The following NAALADL2 variants were observed in gnomAD, a reference collection of about 807,000 sequenced individuals.
NAALADL2 encodes N-acetylated alpha-linked acidic dipeptidase like 2, also known as inactive N-acetylated-alpha-linked acidic dipeptidase-like protein 2.
In NAALADL2, 76 loss-of-function variants were observed where a neutral mutation model predicts 87.2. That is an observed-to-expected ratio of 0.87 (90% CI 0.72 to 1.05). NAALADL2 has a LOEUF of 1.05. Among genes scored for constraint, NAALADL2 ranks in the 50% least tolerant of loss-of-function variants. The pLI, the probability that NAALADL2 is intolerant of heterozygous loss-of-function variation, is 0.00. For synonymous variants in NAALADL2, 354 were observed against 331.0 expected (o/e 1.07, Z -0.75); for missense variants, 1,089 against 945.8 (o/e 1.15, Z -1.99).
At chr3:175,291,936 A>G (rs115930947) in intron 4 of NAALADL2, among the ~76,000 whole-genome samples, 3,483 of 152,350 alleles carry the variant, frequency 0.023, 97 homozygotes, top group Admixed American at 0.08. Flanking sequence ...TCATTTAGCC[A>G]TATACACAAA....
At chr3:175,054,586 C>G (rs1389827653) in intron 1 of NAALADL2, among the ~76,000 whole-genome samples, 1 of 152,168 alleles carries the variant, frequency 6.6e-6, no homozygotes, top group Non-Finnish European at 1.5e-5. Flanking sequence ...TCCTCTAAAG[C>G]CTACAGTTTC....
At chr3:175,051,589 G>A (rs935037328) in intron 1 of NAALADL2, among the ~76,000 whole-genome samples, 5 of 152,152 alleles carry the variant, frequency 3.3e-5, no homozygotes, top group South Asian at 2.1e-4. Context: ...AGAGTCTCTC[G>A]ATCAGTTAGC....
chr3:175,614,280 T>C (rs930040119), intron 10 of NAALADL2, among the ~76,000 whole-genome samples: 1 of 152,196 alleles, frequency 6.6e-6, no homozygotes, highest in Admixed American at 6.5e-5. Context: ...CTCGAACTCT[T>C]GAACTCATGA....
chr3:175,704,761 T>C (rs576649560), intron 11 of NAALADL2, among the ~76,000 whole-genome samples: 76 of 152,332 alleles, frequency 5.0e-4, no homozygotes, highest in African/African-American at 1.7e-3. Context: ...CATGTCTTAT[T>C]TGCACAGCTG....
intron 1 of NAALADL2, among the ~76,000 whole-genome samples, chr3:175,013,407 T>C (rs1750413683): frequency 6.8e-6 from 1 of 147,122 alleles, no homozygotes; most frequent in Non-Finnish European, 1.5e-5. Context: ...CAAGTGATTC[T>C]TATGCCTAAG....
chr3:175,182,389 T>C (rs1736694946), intron 2 of NAALADL2, among the ~76,000 whole-genome samples: 1 of 151,844 alleles, frequency 6.6e-6, no homozygotes, highest in Admixed American at 6.6e-5. Context: ...AAACTGTTTT[T>C]TGTTTATTTG....
intron 2 of NAALADL2, among the ~76,000 whole-genome samples, chr3:175,132,163 G>C (rs1309020638): frequency 8.6e-6 from 1 of 115,636 alleles, no homozygotes; most frequent in Non-Finnish European, 1.8e-5. Flanking sequence ...CTCCCGGACG[G>C]GGCAGCTGGC....
intron 4 of NAALADL2, among the ~76,000 whole-genome samples, chr3:175,302,838 ATGTGTGTGTATG>A (rs1357167315): frequency 1.4e-5 from 2 of 143,626 alleles, no homozygotes; most frequent in Non-Finnish European, 3.1e-5. Context: ...GTGTGTATAT[ATGTGTGTGTATG>A]TGTGTGTGTG....
At chr3:174,745,551 C>T (rs1734171744) in intron 3 of NAALADL2, among the ~76,000 whole-genome samples, 1 of 152,116 alleles carries the variant, frequency 6.6e-6, no homozygotes, top group African/African-American at 2.4e-5. Flanking sequence ...CTATTCCAAA[C>T]AATTGAATAT....
At chr3:175,203,762 A>C (rs1445307084) in intron 2 of NAALADL2, among the ~76,000 whole-genome samples, 1 of 152,226 alleles carries the variant, frequency 6.6e-6, no homozygotes, top group Non-Finnish European at 1.5e-5. Context: ...AACAGGAGAT[A>C]TTACAACTGA....
chr3:175,092,463 T>A (rs1291645389), intron 1 of NAALADL2, among the ~76,000 whole-genome samples: 1 of 151,946 alleles, frequency 6.6e-6, no homozygotes, highest in Non-Finnish European at 1.5e-5. Context: ...AATACTTTTG[T>A]CTAATCTGTA....
intron 5 of NAALADL2, among the ~76,000 whole-genome samples, chr3:175,353,741 C>G (rs867840399): frequency 5.9e-5 from 9 of 152,168 alleles, no homozygotes; most frequent in African/African-American, 1.7e-4. Flanking sequence ...TTATCTAATT[C>G]CCTCAAACCT....
intron 1 of NAALADL2, among the ~76,000 whole-genome samples, chr3:174,931,726 C>G (rs1465042493): frequency 6.6e-6 from 1 of 152,066 alleles, no homozygotes; most frequent in Non-Finnish European, 1.5e-5. Context: ...TAAAAAGTGT[C>G]TGGGATGACA....
At chr3:175,177,847 A>ATGTGTGTG (rs3066287) in intron 2 of NAALADL2, among the ~76,000 whole-genome samples, 48,284 of 151,110 alleles carry the variant, frequency 0.32, 8,247 homozygotes, top group Non-Finnish European at 0.39. Flanking sequence ...GTGTGTGTGT[A>ATGTGTGTG]TGTGTGTGTG....
At chr3:174,980,536 C>T (rs1156570600) in intron 1 of NAALADL2, among the ~76,000 whole-genome samples, 1 of 151,970 alleles carries the variant, frequency 6.6e-6, no homozygotes, top group African/African-American at 2.4e-5. Context: ...AATAGTAACC[C>T]AAAGCATTCA....
intron 1 of NAALADL2, among the ~76,000 whole-genome samples, chr3:175,009,053 A>G (rs1749435308): frequency 6.6e-6 from 1 of 152,202 alleles, no homozygotes; most frequent in Non-Finnish European, 1.5e-5. Flanking sequence ...GATAAATTTT[A>G]TCTTTCTAGA....
intron 2 of NAALADL2, among the ~76,000 whole-genome samples, chr3:174,733,542 C>A (rs1352055259): frequency 3.3e-5 from 5 of 152,198 alleles, no homozygotes; most frequent in African/African-American, 1.2e-4. Context: ...TGTGGCTTAG[C>A]ATTTCTTGTG....
intron 1 of NAALADL2, among the ~76,000 whole-genome samples, chr3:174,443,340 A>G (rs1442463688): frequency 1.3e-5 from 2 of 152,212 alleles, no homozygotes; most frequent in Non-Finnish European, 2.9e-5. Context: ...TTGAGGGTGT[A>G]TTCCTCAGGG....
chr3:174,687,109 C>G (rs1357656756), intron 2 of NAALADL2, among the ~76,000 whole-genome samples: 1 of 152,046 alleles, frequency 6.6e-6, no homozygotes. Context: ...GCTGCCATTC[C>G]TCTGAGTTTA....
Sources: gnomAD v4.1 joint callset for allele counts (sites outside exome capture counted in the v4.1 genomes callset) on GRCh38, gnomAD v4.1.1 for gene constraint, MANE v1.5 for transcripts, NCBI Gene and HGNC (gene_info 2026-07-23, HGNC 2026-07-21) for gene names.